OXR1: variants seen among roughly 807,000 people sequenced by gnomAD.
The protein encoded by OXR1 is oxidation resistance protein 1.
OXR1 carries 41 observed loss-of-function variants against 104.6 expected under a neutral mutation model. The observed-to-expected ratio is 0.39, with a 90% CI of 0.31 to 0.51. The LOEUF is 0.51. OXR1 is among the 20% of genes least tolerant of loss of function. The pLI, the probability that OXR1 is intolerant of heterozygous loss-of-function variation, is 0.77. For missense variants in OXR1, 955 were observed against 1,031.9 expected (o/e 0.93, Z 1.02); for synonymous variants, 348 against 348.4 (o/e 1.00, Z 0.01).
chr8:106,371,131 A>G (rs1197467853), intron 2 of OXR1, among the ~76,000 whole-genome samples: 1 of 151,804 alleles, frequency 6.6e-6, no homozygotes, highest in Non-Finnish European at 1.5e-5. Context: ...TAGTCTTGGT[A>G]GCATGTATGC....
At chr8:106,616,218 ATTTTTT>A (rs372788802) in intron 3 of OXR1, among the ~76,000 whole-genome samples, 11 of 96,036 alleles carry the variant, frequency 1.1e-4, no homozygotes, top group African/African-American at 4.1e-4. Context: ...ATTTTTTGGA[ATTTTTT>A]TTTTTTTTTT....
intron 1 of OXR1, among the ~76,000 whole-genome samples, chr8:106,291,742 A>G (rs981306968): frequency 6.6e-6 from 1 of 152,206 alleles, no homozygotes; most frequent in Non-Finnish European, 1.5e-5. Context: ...TTTAATAGAC[A>G]CAGTTCCACA....
At chr8:106,526,737 T>G (rs879457433) in intron 3 of OXR1, among the ~76,000 whole-genome samples, 134 of 152,090 alleles carry the variant, frequency 8.8e-4, no homozygotes, top group African/African-American at 1.3e-3. Context: ...TAGAGACAGG[T>G]TTTCACTGTG....
intron 2 of OXR1, among the ~76,000 whole-genome samples, chr8:106,430,295 G>A (rs931604755): frequency 3.5e-4 from 54 of 152,158 alleles, no homozygotes; most frequent in African/African-American, 1.1e-3. Context: ...CAATTGTATA[G>A]CACAGATGGA....
intron 3 of OXR1, among the ~76,000 whole-genome samples, chr8:106,582,202 A>ATATATATATATATATG (rs1818295771): frequency 2.8e-5 from 4 of 144,086 alleles, no homozygotes; most frequent in African/African-American, 7.7e-5. Context: ...ATATATATAT[A>ATATATATATATATATG]TGAAGGAACA....
chr8:106,659,131 C>T (rs1414632809), intron 3 of OXR1, among the ~76,000 whole-genome samples: 1 of 152,048 alleles, frequency 6.6e-6, no homozygotes, highest in Non-Finnish European at 1.5e-5. Context: ...TTTTATCTTA[C>T]TTTATTTTTG....
intron 2 of OXR1, among the ~76,000 whole-genome samples, chr8:106,439,722 A>G (rs1313358289): frequency 6.6e-6 from 1 of 152,108 alleles, no homozygotes; most frequent in African/African-American, 2.4e-5. Flanking sequence ...GAGATCGAGC[A>G]GAGCATTTGT....
chr8:106,640,833 A>C (rs1336642879), intron 3 of OXR1, among the ~76,000 whole-genome samples: 1 of 152,168 alleles, frequency 6.6e-6, no homozygotes, highest in African/African-American at 2.4e-5. Flanking sequence ...AATACACCCT[A>C]TGTTTGTTCA....
chr8:106,329,406 G>A (rs1033573138), intron 1 of OXR1, among the ~76,000 whole-genome samples: 1 of 149,532 alleles, frequency 6.7e-6, no homozygotes. Flanking sequence ...GGAGTGCAGT[G>A]GTGTGATCTC....
At position 106,590,973 on chromosome 8, in the gene OXR1, G is replaced by C. The variant is rs1055846328; in HGVS notation, c.220+71834G>C. On this transcript the variant is annotated intron_variant, in intron 3 of 16. Coordinates refer to ENST00000517566, the MANE Select transcript of OXR1 (RefSeq NM_001198533.2). The stretch of plus-strand genomic sequence containing the variant: ...GAGATAAGTACACATTTTGAGATAA[G>C]TACATAGTTAGATAAGCTTGCCCTG... Among the ~76,000 whole-genome samples, 3 of 152,036 alleles carry C rather than the reference G, an allele frequency of 2.0e-5. No individual in the cohort carries two copies. In the South Asian group the frequency reaches 6.2e-4, roughly 32 times the overall value.
At chr8:106,592,393 TC>T (rs1819168703) in intron 3 of OXR1, among the ~76,000 whole-genome samples, 1 of 152,226 alleles carries the variant, frequency 6.6e-6, no homozygotes, top group African/African-American at 2.4e-5. Flanking sequence ...CCCAGTGCTT[TC>T]CATGATTTCT....
At chr8:106,394,760 A>C (rs1365273103) in intron 2 of OXR1, among the ~76,000 whole-genome samples, 2 of 152,152 alleles carry the variant, frequency 1.3e-5, no homozygotes, top group African/African-American at 4.8e-5. Flanking sequence ...AGAGGACAAT[A>C]GTTGACCAAA....
At chr8:106,423,331 G>A (rs1467446728) in intron 2 of OXR1, among the ~76,000 whole-genome samples, 2 of 152,134 alleles carry the variant, frequency 1.3e-5, no homozygotes, top group East Asian at 3.9e-4. Flanking sequence ...AAATGCAGTC[G>A]TCAACTATCC....
intron 2 of OXR1, among the ~76,000 whole-genome samples, chr8:106,508,400 G>A (rs1395101028): frequency 6.6e-6 from 1 of 152,116 alleles, no homozygotes; most frequent in East Asian, 1.9e-4. Context: ...TGTATTGGGA[G>A]CACTACATAG....
At chr8:106,657,776 C>G (rs373298648) in intron 3 of OXR1, 83 of 1,156,008 alleles carry the variant, frequency 7.2e-5, no homozygotes, top group African/African-American at 4.9e-4. Context: ...AACTTTTGTC[C>G]GTCTTTTGCT....
intron 3 of OXR1, among the ~76,000 whole-genome samples, chr8:106,575,985 AACACACAC>A (rs35038334): frequency 5.7e-4 from 82 of 144,404 alleles, no homozygotes; most frequent in Middle Eastern, 3.5e-3. Flanking sequence ...AAATGTTTAT[AACACACAC>A]ACACACACAC....
At chr8:106,565,206 A>G (rs1162497055) in intron 3 of OXR1, among the ~76,000 whole-genome samples, 1 of 152,232 alleles carries the variant, frequency 6.6e-6, no homozygotes, top group Non-Finnish European at 1.5e-5. Context: ...TGCAGATGAC[A>G]TGATTGTATA....
At chr8:106,635,873 G>A (rs1823089897) in intron 3 of OXR1, among the ~76,000 whole-genome samples, 1 of 152,164 alleles carries the variant, frequency 6.6e-6, no homozygotes, top group Non-Finnish European at 1.5e-5. Flanking sequence ...TTGGTCTGGG[G>A]CAGTTTTAGA....
intron 2 of OXR1, among the ~76,000 whole-genome samples, chr8:106,453,489 T>G (rs1166457914): frequency 6.6e-6 from 1 of 152,198 alleles, no homozygotes; most frequent in Non-Finnish European, 1.5e-5. Context: ...TAAATTCTCT[T>G]TTTTCTTTCT....
Sources: allele counts gnomAD v4.1 joint callset (sites outside exome capture counted in the v4.1 genomes callset), GRCh38; gene constraint gnomAD v4.1.1; transcripts MANE v1.5; gene names NCBI Gene and HGNC (gene_info 2026-07-23, HGNC 2026-07-21).